RABGAP1: variants seen among roughly 807,000 people sequenced by gnomAD.
RABGAP1 encodes the protein rab GTPase-activating protein 1.
Under a neutral mutation model 137.6 loss-of-function variants are expected in RABGAP1, and 23 were observed. The ratio of observed to expected loss-of-function variants is 0.17; its 90% CI spans 0.12 to 0.24. The LOEUF (loss-of-function observed/expected upper bound fraction) is 0.24, where lower values mean the gene tolerates loss of function less well. Ranked by LOEUF, RABGAP1 falls within the 10% of genes least tolerant of loss-of-function variation. RABGAP1 has a pLI of 1.00. For synonymous variants in RABGAP1, 451 were observed against 450.7 expected (o/e 1.00, Z -0.01); for missense variants, 906 against 1,275.8 (o/e 0.71, Z 4.42).
chr9:123,094,183 A>G (rs1166440164), intron 21 of RABGAP1, among the ~76,000 whole-genome samples: 1 of 152,178 alleles, frequency 6.6e-6, no homozygotes, highest in Non-Finnish European at 1.5e-5. Context: ...ATACAATCAT[A>G]TCATCTCTGA....
intron 13 of RABGAP1, among the ~76,000 whole-genome samples, chr9:123,064,101 CCTCT>C (rs1056768588): frequency 2.0e-5 from 3 of 152,124 alleles, no homozygotes; most frequent in Non-Finnish European, 4.4e-5. Context: ...GCTTGCTCTC[CCTCT>C]CTCTCCCACT....
At chr9:123,024,233 G>A (rs576728348) in intron 13 of RABGAP1, among the ~76,000 whole-genome samples, 12 of 152,262 alleles carry the variant, frequency 7.9e-5, no homozygotes, top group South Asian at 6.2e-4. Context: ...GGAAATAATA[G>A]AACAATAGTA....
At position 123,072,886 on chromosome 9, in the gene RABGAP1, T is replaced by G. The variant is rs543296183; in HGVS notation, c.1984-666T>G. ...ATCCTTAAATAACATTTCCAGTGCT[T>G]CTTTTTTCTCTTTTGAAAATATCTT... On this transcript the variant is annotated intron_variant, in intron 15 of 25. Transcript: ENST00000373647. 3.9e-5 allele frequency among the ~76,000 whole-genome samples: 6 copies of G among 152,298 alleles called. No homozygotes were observed. In the South Asian group the frequency reaches 1.0e-3, roughly 26 times the overall value.
At chr9:123,039,258 A>G (rs2032829194) in intron 13 of RABGAP1, among the ~76,000 whole-genome samples, 1 of 152,192 alleles carries the variant, frequency 6.6e-6, no homozygotes, top group Non-Finnish European at 1.5e-5. Flanking sequence ...CTAAAATGAC[A>G]GTAGCCTTGA....
At chr9:123,059,477 C>G (rs1021327513) in intron 13 of RABGAP1, among the ~76,000 whole-genome samples, 1 of 152,130 alleles carries the variant, frequency 6.6e-6, no homozygotes, top group African/African-American at 2.4e-5. Flanking sequence ...ATGGCGTGAA[C>G]CCGGGAGGCG....
chr9:122,954,658 AATTG>A (rs1834414197), intron 1 of RABGAP1, among the ~76,000 whole-genome samples: 1 of 152,208 alleles, frequency 6.6e-6, no homozygotes, highest in South Asian at 2.1e-4. Context: ...TAAAAGACTT[AATTG>A]ATTGAGCATG....
At chr9:123,018,547 G>T (rs900023064) in intron 12 of RABGAP1, among the ~76,000 whole-genome samples, 3 of 152,208 alleles carry the variant, frequency 2.0e-5, no homozygotes, top group Admixed American at 2.0e-4. Context: ...ATGAGAACAG[G>T]TGATAGTTAG....
rs201555946 is a variant in RABGAP1, at chr9:123,003,284, A to G, written c.1374+4518A>G. ...AGTATTTTCACTTTATAGATGAGGA[A>G]ACTGAGATCCAAAGATATTTAGCAG... On this transcript the variant is annotated intron_variant, in intron 10 of 25. Coordinates refer to ENST00000373647, the MANE Select transcript of RABGAP1 (RefSeq NM_012197.4). Among the ~76,000 whole-genome samples, 14 of 152,312 alleles carry G rather than the reference A, an allele frequency of 9.2e-5. No individual in the cohort carries two copies. The East Asian group carries it at 2.5e-3, about 27-fold the overall frequency.
chr9:123,025,260 A>T (rs2031886864), intron 13 of RABGAP1, among the ~76,000 whole-genome samples: 1 of 152,164 alleles, frequency 6.6e-6, no homozygotes, highest in Admixed American at 6.5e-5. Context: ...TTGTTTGCAT[A>T]TTCCTGTCCC....
chr9:123,034,663 T>C (rs1218014427), intron 13 of RABGAP1: 26 of 1,613,230 alleles, frequency 1.6e-5, no homozygotes, highest in Non-Finnish European at 2.2e-5. Flanking sequence ...TTTGGAAGTA[T>C]TGATTATTGT....
intron 13 of RABGAP1, among the ~76,000 whole-genome samples, chr9:123,058,890 A>G (rs2033854955): frequency 6.6e-6 from 1 of 152,200 alleles, no homozygotes; most frequent in East Asian, 1.9e-4. Flanking sequence ...TTCTCTTTGT[A>G]ATGCTCCAGT....
intron 19 of RABGAP1, among the ~76,000 whole-genome samples, chr9:123,088,793 C>G (rs1218943807): frequency 1.3e-5 from 2 of 152,140 alleles, no homozygotes; most frequent in Non-Finnish European, 2.9e-5. Context: ...AGCCTGTTAC[C>G]TAGAAGGAAA....
rs766849281 is a variant in RABGAP1, at chr9:122,996,190, T to C, written c.1034+39T>C. On this transcript the variant is annotated intron_variant, in intron 7 of 25. Transcript: ENST00000373647. ...GTAAGTTTAGCTTAAATATAAATTT[T>C]GGCTTTTATCAATCTAATGGCATAG... 4.4e-6 allele frequency: 7 copies of C among 1,581,522 alleles called. No individual in the cohort carries two copies. The East Asian group carries it at 1.3e-4, about 30-fold the overall frequency.
chr9:123,076,575 C>G, intron 18 of RABGAP1, 59 bp from the exon 19 acceptor site: 1 of 1,526,550 alleles, frequency 6.6e-7, no homozygotes. Flanking sequence ...ATATAAAAAA[C>G]TTCTTGTGCA....
chr9:123,057,272 C>T lies in RABGAP1; in HGVS notation c.1795-8076C>T, dbSNP rs529351192. Among the ~76,000 whole-genome samples, 903 of 148,608 alleles carry T rather than the reference C, an allele frequency of 6.1e-3. 3 individuals are homozygous for T. The highest frequency in any genetic ancestry group is 9.3e-3 in the Admixed American group (140 of 15,026). The stretch of plus-strand genomic sequence containing the variant: ...CTTCTCAGATGGGGCGGCTGCTGGG[C>T]GGAGGGGCTCCTCACTTCTCAGATG... On this transcript the variant is annotated intron_variant, in intron 13 of 25. Coordinates refer to ENST00000373647, the MANE Select transcript of RABGAP1 (RefSeq NM_012197.4).
At chr9:122,951,773 A>T (rs966185550) in intron 1 of RABGAP1, among the ~76,000 whole-genome samples, 5 of 152,070 alleles carry the variant, frequency 3.3e-5, no homozygotes, top group Non-Finnish European at 5.9e-5. Flanking sequence ...GGATGTAACT[A>T]TATTGCCCAG....
At chr9:123,059,651 G>A (rs1025180117) in intron 13 of RABGAP1, among the ~76,000 whole-genome samples, 4 of 152,158 alleles carry the variant, frequency 2.6e-5, no homozygotes, top group Admixed American at 2.6e-4. Context: ...TAGGTCATGA[G>A]GGCAAAGTCC....
chr9:123,058,443 T>A (rs1207333822), intron 13 of RABGAP1, among the ~76,000 whole-genome samples: 1 of 152,206 alleles, frequency 6.6e-6, no homozygotes, highest in Non-Finnish European at 1.5e-5. Flanking sequence ...ATGGTAAAAT[T>A]CTTCTTTTTC....
Position 123,022,878 on chromosome 9 carries a change from T to C in RABGAP1, c.1794+2419T>C, listed in dbSNP as rs562134776. On this transcript the variant is annotated intron_variant, in intron 13 of 25. Transcript: ENST00000373647. ...CCTGGAATTAAGAGTTATCATTGTG[T>C]GGGAATGGTAATTGACATCTTTTAA... Among the ~76,000 whole-genome samples the C allele has an allele frequency of 5.3e-5, 8 of 152,286 alleles. No individual in the cohort carries two copies. In the East Asian group the frequency reaches 1.5e-3, roughly 29 times the overall value.
Sources: allele counts gnomAD v4.1 joint callset (sites outside exome capture counted in the v4.1 genomes callset), GRCh38; gene constraint gnomAD v4.1.1; transcripts MANE v1.5; gene names NCBI Gene and HGNC (gene_info 2026-07-23, HGNC 2026-07-21).